SCRG1: variants seen among roughly 807,000 people sequenced by gnomAD.
SCRG1 encodes the protein scrapie-responsive protein 1.
SCRG1 carries 3 observed loss-of-function variants against 7.7 expected under a neutral mutation model. The ratio of observed to expected loss-of-function variants is 0.39; its 90% CI spans 0.18 to 1.01. SCRG1 has a LOEUF of 1.01. Among genes scored for constraint, SCRG1 ranks in the 50% least tolerant of loss-of-function variants. The probability of loss-of-function intolerance (pLI) is 0.36; values close to 1 mark genes in which losing one functional copy is unlikely to be tolerated. For synonymous variants in SCRG1, 46 were observed against 41.2 expected, an observed-to-expected ratio of 1.12 and a Z score of -0.44; for missense variants, 110 against 117.2, an observed-to-expected ratio of 0.94 and a Z score of 0.28.
At chr4:173,499,770 G>A in the SCRG1 span, among the ~76,000 whole-genome samples, 1 of 152,160 alleles carries the variant, frequency 6.6e-6, no homozygotes, top group African/African-American at 2.4e-5. This position sits in a 1 kb window ranked among gnomAD's most constrained non-coding sequence, Gnocchi z 4.1. Context: ...GGTAACCCGA[G>A]CCAATGGCTC....
At chr4:173,460,404 C>A in the SCRG1 span, among the ~76,000 whole-genome samples, 3 of 152,172 alleles carry the variant, frequency 2.0e-5, no homozygotes, top group Non-Finnish European at 4.4e-5. Context: ...TCAAAAGAGA[C>A]CTTCTCCTTT....
At chr4:173,493,754 C>G in the SCRG1 span, among the ~76,000 whole-genome samples, 455 of 152,112 alleles carry the variant, frequency 3.0e-3, no homozygotes, top group African/African-American at 0.01. Flanking sequence ...TCTTAGTAGT[C>G]TAGTGAATAA....
At chr4:173,480,764 AT>A in the SCRG1 span, among the ~76,000 whole-genome samples, 32 of 151,428 alleles carry the variant, frequency 2.1e-4, no homozygotes, top group East Asian at 4.6e-3. Flanking sequence ...AGGTGTCCTC[AT>A]TTTTTTTTAA....
the SCRG1 span, among the ~76,000 whole-genome samples, chr4:173,499,536 C>A: frequency 3.3e-5 from 5 of 152,140 alleles, no homozygotes; most frequent in African/African-American, 1.2e-4. This position sits in a 1 kb window ranked among gnomAD's most constrained non-coding sequence, Gnocchi z 4.1. Context: ...CAGGCTATTG[C>A]CTTCACCTAG....
At chr4:173,518,928 C>A in the SCRG1 span, among the ~76,000 whole-genome samples, 1 of 151,540 alleles carries the variant, frequency 6.6e-6, no homozygotes, top group Non-Finnish European at 1.5e-5. Flanking sequence ...CCCGGCTTCC[C>A]GAGATACGCT....
the SCRG1 span, among the ~76,000 whole-genome samples, chr4:173,481,673 G>A: frequency 2.0e-5 from 3 of 151,906 alleles, no homozygotes; most frequent in Non-Finnish European, 2.9e-5. Flanking sequence ...AAGAGGACAC[G>A]GATGAAGACC....
At chr4:173,495,602 T>C in the SCRG1 span, among the ~76,000 whole-genome samples, 3 of 152,356 alleles carry the variant, frequency 2.0e-5, no homozygotes, top group South Asian at 6.2e-4. Context: ...TTGCATTCAC[T>C]TTTCATTTAG....
At chr4:173,437,680 G>A in the SCRG1 span, among the ~76,000 whole-genome samples, 4 of 152,296 alleles carry the variant, frequency 2.6e-5, no homozygotes, top group South Asian at 8.3e-4. Context: ...AATTACCAAA[G>A]GCTGATCTTG....
At chr4:173,413,677 T>A in the SCRG1 span, among the ~76,000 whole-genome samples, 4 of 152,176 alleles carry the variant, frequency 2.6e-5, no homozygotes, top group African/African-American at 9.7e-5. Context: ...GGAACTGTGA[T>A]CCATCTGAAG....
chr4:173,450,441 A>G, the SCRG1 span, among the ~76,000 whole-genome samples: 240 of 152,196 alleles, frequency 1.6e-3, 5 homozygotes, highest in East Asian at 0.025. Flanking sequence ...CACTGCAAAT[A>G]TCTTAGAGAG....
At chr4:173,401,223 G>C (rs542022919), upstream of SCRG1, among the ~76,000 whole-genome samples, 1 of 152,350 alleles carries the variant, frequency 6.6e-6, no homozygotes, top group South Asian at 2.1e-4. Flanking sequence ...AGAGGTGTGT[G>C]CGCAATGGAC....
chr4:173,507,657 G>A, the SCRG1 span, among the ~76,000 whole-genome samples: 21 of 152,228 alleles, frequency 1.4e-4, no homozygotes, highest in East Asian at 2.1e-3. The surrounding 1 kb of genome is among the most constrained non-coding windows in gnomAD (Gnocchi z 4.4). Flanking sequence ...CCCTGTGGCC[G>A]CCACCACCAG....
At chr4:173,400,697 C>G (rs1222456820), upstream of SCRG1, among the ~76,000 whole-genome samples, 2 of 152,198 alleles carry the variant, frequency 1.3e-5, no homozygotes, top group African/African-American at 4.8e-5. Context: ...TCCTTCCAAC[C>G]CTATGAAGTA....
the SCRG1 span, among the ~76,000 whole-genome samples, chr4:173,448,736 T>C: frequency 6.6e-6 from 1 of 152,378 alleles, no homozygotes; most frequent in South Asian, 2.1e-4. Context: ...GATGAAAGTA[T>C]GCAGCTGATG....
chr4:173,468,391 CTG>C, the SCRG1 span: 1 of 152,122 alleles, frequency 6.6e-6, no homozygotes, highest in Non-Finnish European at 1.5e-5. Context: ...TAAGTACACT[CTG>C]TGATCACACA....
At chr4:173,475,026 T>A in the SCRG1 span, among the ~76,000 whole-genome samples, 1 of 151,438 alleles carries the variant, frequency 6.6e-6, no homozygotes, top group Non-Finnish European at 1.5e-5. Context: ...GGTGAGTTAA[T>A]ATTTTGAAAT....
the SCRG1 span, among the ~76,000 whole-genome samples, chr4:173,461,613 GTAAAGACTACAATAAATACC>G: frequency 2.0e-5 from 3 of 152,174 alleles, no homozygotes; most frequent in Non-Finnish European, 4.4e-5. Flanking sequence ...AGCTCAGATA[GTAAAGACTACAATAAATACC>G]TAACCCTTCA....
At chr4:173,483,753 G>A in the SCRG1 span, among the ~76,000 whole-genome samples, 4 of 3,438 alleles carry the variant, frequency 1.2e-3, 2 homozygotes, top group African/African-American at 3.0e-3. Flanking sequence ...TATTATATGT[G>A]ATATATCATA....
At chr4:173,507,861 A>C in the SCRG1 span, among the ~76,000 whole-genome samples, 2 of 152,220 alleles carry the variant, frequency 1.3e-5, no homozygotes, top group Non-Finnish European at 2.9e-5. This position sits in a 1 kb window ranked among gnomAD's most constrained non-coding sequence, Gnocchi z 4.4. Context: ...ATGAATGTGA[A>C]ATACTGTGGG....
Sources: allele counts gnomAD v4.1 joint callset (sites outside exome capture counted in the v4.1 genomes callset), GRCh38; gene constraint gnomAD v4.1.1; non-coding constraint Gnocchi (gnomAD v3.1); transcripts MANE v1.5; gene names NCBI Gene and HGNC (gene_info 2026-07-23, HGNC 2026-07-21).